The following APPL2 variants were observed in gnomAD, a reference collection of about 807,000 sequenced individuals.
APPL2 encodes the protein adaptor protein, phosphotyrosine interacting with PH domain and leucine zipper 2, also known as DCC-interacting protein 13-beta.
APPL2 carries 84 observed loss-of-function variants against 92.7 expected under a neutral mutation model. That is an observed-to-expected ratio of 0.91 (90% CI 0.76 to 1.09). The LOEUF (loss-of-function observed/expected upper bound fraction) is 1.09, where lower values mean the gene tolerates loss of function less well. Ranked by LOEUF, APPL2 falls within the 50% of genes least tolerant of loss-of-function variation. The probability of loss-of-function intolerance (pLI) is 0.00; values close to 1 mark genes in which losing one functional copy is unlikely to be tolerated. For missense variants in APPL2, 736 were observed against 824.5 expected (o/e 0.89, Z 1.31); for synonymous variants, 291 against 291.0 (o/e 1.00, Z 0.00).
chr12:105,197,131 C>T (rs1566067916), intron 11 of APPL2, among the ~76,000 whole-genome samples: 1 of 152,160 alleles, frequency 6.6e-6, no homozygotes, highest in Non-Finnish European at 1.5e-5. Context: ...CCCTGAAGCC[C>T]CTCCATGGGA....
chr12:105,235,816 G>T, intron 1 of APPL2, 143 bp downstream of exon 1: 1 of 550,676 alleles, frequency 1.8e-6, no homozygotes, highest in Non-Finnish European at 2.7e-6. Flanking sequence ...CTCAGCCCGA[G>T]AGAACCCGGT....
rs1212439443 is a variant in APPL2, at chr12:105,190,304, C to T, written c.1242-149G>A. 9 of 912,784 alleles carry T rather than the reference C, an allele frequency of 9.9e-6. No homozygotes were observed. The East Asian group carries it at 1.8e-4, about 19-fold the overall frequency. 56.5% of individuals were successfully genotyped at this position (912,784 alleles called of 1,614,324 possible). A position where few individuals can be genotyped will look rare whatever the true frequency, so the allele number is the denominator to read the frequency against. ...ATCCATTCTACAAATAAACCTTCTTCAAACTTCCTTCATATCCTTGGCTAA... is the reference window on the plus strand; with the variant it reads ...ATCCATTCTACAAATAAACCTTCTTTAAACTTCCTTCATATCCTTGGCTAA... On this transcript the variant is annotated intron_variant, in intron 14 of 20. Transcript: ENST00000258530.
At chr12:105,225,462 G>A (rs1446379783) in intron 2 of APPL2, among the ~76,000 whole-genome samples, 2 of 152,272 alleles carry the variant, frequency 1.3e-5, no homozygotes, top group African/African-American at 2.4e-5. Flanking sequence ...TATTATGGCC[G>A]AGATGCAGAA....
chr12:105,176,212 C>G (rs764754360), intron 19 of APPL2, 130 bp from the exon 20 acceptor site: 1 of 763,844 alleles, frequency 1.3e-6, no homozygotes, highest in Admixed American at 3.2e-5. Flanking sequence ...GACCTGGCTG[C>G]AGGAGACTCA....
chr12:105,208,142 T>A lies in APPL2; in HGVS notation c.415+16A>T. 4 of 1,614,166 alleles carry A rather than the reference T, an allele frequency of 2.5e-6. No individual in the cohort carries two copies. The highest frequency in any genetic ancestry group is 3.4e-6 in the Non-Finnish European group (4 of 1,179,988). On this transcript the variant is annotated intron_variant, in intron 6 of 20. Coordinates refer to ENST00000258530, the MANE Select transcript of APPL2 (RefSeq NM_018171.5). ...AGCCCACACACCCACACACCAGGAA[T>A]GGAGAAGGTGCCTACCATTGCTAGC...
chr12:105,229,226 GGAAGAAAA>G lies in APPL2; in HGVS notation c.55-11_55-4del. 6.2e-7 allele frequency: 1 copy of G among 1,611,108 alleles called. No homozygotes were observed. The highest frequency in any genetic ancestry group is 8.5e-7 in the Non-Finnish European group (1 of 1,178,716). On this transcript the variant is annotated splice_region_variant and splice_polypyrimidine_tract_variant and intron_variant, in intron 1 of 20. Coordinates refer to ENST00000258530, the MANE Select transcript of APPL2 (RefSeq NM_018171.5). ...AACACGCTCAGTAAAGAGCGAGTCTGGAAGAAAAGAAGAAAAAAGGTCAATTTCATTTC... is the reference window on the plus strand; with the variant it reads ...AACACGCTCAGTAAAGAGCGAGTCTGGAAGAAAAAAGGTCAATTTCATTTC...
At chr12:105,233,293 A>C in intron 1 of APPL2, 1 of 985,494 alleles carries the variant, frequency 1.0e-6, no homozygotes, top group Non-Finnish European at 1.2e-6. Flanking sequence ...CAAGGAGCAG[A>C]GGCTTCTAAA....
At chr12:105,223,997 C>T (rs190740686) in intron 2 of APPL2, among the ~76,000 whole-genome samples, 12 of 152,300 alleles carry the variant, frequency 7.9e-5, no homozygotes, top group Non-Finnish European at 1.5e-5. Context: ...GAACTCAGAT[C>T]TGTGAAGTCC....
intron 14 of APPL2, among the ~76,000 whole-genome samples, chr12:105,193,813 C>A (rs1329171300): frequency 6.6e-6 from 1 of 152,166 alleles, no homozygotes; most frequent in Non-Finnish European, 1.5e-5. Flanking sequence ...CCCCTTCTTC[C>A]CACAACCTGT....
intron 2 of APPL2, among the ~76,000 whole-genome samples, chr12:105,225,889 T>C (rs1462973788): frequency 6.6e-6 from 1 of 152,256 alleles, no homozygotes; most frequent in African/African-American, 2.4e-5. Context: ...AATATCAGCA[T>C]CCAGAAATAT....
rs147642512 is a variant in APPL2 at position 105,208,305 on chromosome 12, GC to G, written c.374-107del. On this transcript the variant is annotated intron_variant, in intron 5 of 20. Transcript: ENST00000258530. ...ATAAGAGAATATGCGTGCAAGGGAA[GC>G]CCCTGCACCCTCAGTCCCTGGCTCT... The G allele has an allele frequency of 8.4e-3, 11,192 of 1,339,306 alleles. 238 individuals are homozygous for G. The highest frequency in any genetic ancestry group is 0.073 in the African/African-American group (5,061 of 68,956). The allele number at this position is 1,339,306 out of a possible 1,614,324, so 83.0% of individuals were successfully genotyped here. A position where few individuals can be genotyped will look rare whatever the true frequency, so the allele number is the denominator to read the frequency against.
At chr12:105,223,281 T>C (rs186885397) in intron 2 of APPL2, among the ~76,000 whole-genome samples, 1 of 151,764 alleles carries the variant, frequency 6.6e-6, no homozygotes, top group Non-Finnish European at 1.5e-5. Context: ...CAAACGTTGT[T>C]TCGAATAAAG....
chr12:105,196,994 G>A (rs562152065), intron 11 of APPL2, among the ~76,000 whole-genome samples: 5 of 152,170 alleles, frequency 3.3e-5, no homozygotes, highest in South Asian at 2.1e-4. Context: ...TCCCAATGCC[G>A]TCCCCACCCC....
At position 105,197,842 on chromosome 12, in the gene APPL2, C is replaced by T; in HGVS notation, c.975G>A (p.Leu325=). 4 of 1,614,218 alleles carry T rather than the reference C, an allele frequency of 2.5e-6. No individual in the cohort carries two copies. Among genetic ancestry groups the T allele is most frequent in the East Asian group, 2.2e-5 (1 of 44,880 alleles). Residue 325 remains leucine, a synonymous_variant, in exon 11 of 21, where the codon CTG becomes CTA. Coordinates refer to ENST00000258530, the MANE Select transcript of APPL2 (RefSeq NM_018171.5). ...CCACGGCCATCACTGAGCAGTTGTC[C>T]AGGTCCTGGATCAAACCTCCAGCCA... The part of the protein sequence containing the change: ...GAVAGGLIQD[L]DNCSVMAVDC...
intron 7 of APPL2, 79 bp from the exon 8 acceptor site, chr12:105,207,286 G>A (rs996235812): frequency 5.8e-6 from 8 of 1,384,252 alleles, no homozygotes; most frequent in Non-Finnish European, 7.8e-6. Context: ...TTCAAAATGT[G>A]TGTTTATGCA....
intron 1 of APPL2, among the ~76,000 whole-genome samples, chr12:105,234,684 C>G (rs1363741984): frequency 6.6e-6 from 1 of 152,182 alleles, no homozygotes; most frequent in Non-Finnish European, 1.5e-5. Context: ...TTTAAAATCT[C>G]ACATTGCTAT....
intron 4 of APPL2, among the ~76,000 whole-genome samples, chr12:105,213,960 G>A (rs956184018): frequency 1.3e-5 from 2 of 152,134 alleles, no homozygotes; most frequent in South Asian, 2.1e-4. Flanking sequence ...GCTGAGGCGG[G>A]CAGATCACTG....
At chr12:105,177,042 G>C in intron 18 of APPL2, 26 bp from the exon 19 acceptor site, 1 of 1,613,338 alleles carries the variant, frequency 6.2e-7, no homozygotes, top group Admixed American at 1.7e-5. Flanking sequence ...AAAGGCAACA[G>C]ATCATACAAC....
rs1250137163 is a variant in APPL2, at chr12:105,186,727, C to CAT, written c.1634+1544_1634+1545dup. 2.3e-4 allele frequency among the ~76,000 whole-genome samples: 30 copies of CAT among 130,254 alleles called. No individual in the cohort carries two copies. The East Asian group carries it at 2.6e-3, about 11-fold the overall frequency. 85.5% of individuals were successfully genotyped at this position (130,254 alleles called of 152,430 possible). Reference sequence around the variant, plus strand: ...ATCATATATCATATCATATATATATCATATATATCATATATATATAAACAT... The same window carrying CAT: ...ATCATATATCATATCATATATATATCATATATATATCATATATATATAAACAT... On this transcript the variant is annotated intron_variant, in intron 17 of 20. Coordinates refer to ENST00000258530, the MANE Select transcript of APPL2 (RefSeq NM_018171.5).
Sources: gnomAD v4.1 joint callset for allele counts (sites outside exome capture counted in the v4.1 genomes callset) on GRCh38, gnomAD v4.1.1 for gene constraint, MANE v1.5 for transcripts, NCBI Gene and HGNC (gene_info 2026-07-23, HGNC 2026-07-21) for gene names.